The following ZEB1 variants were observed in gnomAD, a reference collection of about 807,000 sequenced individuals.
ZEB1 encodes zinc finger E-box-binding homeobox 1.
In ZEB1, 21 loss-of-function variants were observed where a neutral mutation model predicts 84.9. The observed-to-expected ratio is 0.25, with a 90% CI of 0.18 to 0.36. The LOEUF (loss-of-function observed/expected upper bound fraction) is 0.36, where lower values mean the gene tolerates loss of function less well. Among genes scored for constraint, ZEB1 ranks in the 10% least tolerant of loss-of-function variants. The probability of loss-of-function intolerance (pLI) is 1.00; values close to 1 mark genes in which losing one functional copy is unlikely to be tolerated. For missense variants in ZEB1, 1,104 were observed against 1,330.2 expected (o/e 0.83, Z 2.65); for synonymous variants, 420 against 471.1 (o/e 0.89, Z 1.41).
intron 2 of ZEB1, among the ~76,000 whole-genome samples, chr10:31,477,648 C>T (rs185227127): frequency 1.1e-4 from 16 of 151,914 alleles, no homozygotes; most frequent in African/African-American, 3.9e-4. Context: ...TATCGTGATA[C>T]CATGATAAAG....
chr10:31,397,789 G>A (rs1434222437), intron 1 of ZEB1, among the ~76,000 whole-genome samples: 1 of 152,122 alleles, frequency 6.6e-6, no homozygotes, highest in Admixed American at 6.5e-5. Context: ...GGCCCTCAAA[G>A]TCTATGGTAT....
intron 8 of ZEB1, among the ~76,000 whole-genome samples, chr10:31,525,595 TC>T (rs927424386): frequency 4.6e-5 from 7 of 152,210 alleles, no homozygotes; most frequent in Non-Finnish European, 1.0e-4. Context: ...TACCTGCTCT[TC>T]CCTGCCCCCA....
At chr10:31,363,387 C>G in intron 1 of ZEB1, 2 of 1,534,486 alleles carry the variant, frequency 1.3e-6, no homozygotes, top group East Asian at 2.4e-5. Context: ...CCTTGTCAGT[C>G]TGATTCTTTT....
intron 1 of ZEB1, among the ~76,000 whole-genome samples, chr10:31,449,443 A>G (rs190458474): frequency 2.0e-5 from 3 of 152,024 alleles, no homozygotes; most frequent in East Asian, 1.9e-4. Flanking sequence ...CTCTCTGCCT[A>G]TATTTTCTTC....
intron 1 of ZEB1, among the ~76,000 whole-genome samples, chr10:31,391,654 G>T (rs973830419): frequency 1.3e-5 from 2 of 152,130 alleles, no homozygotes; most frequent in Non-Finnish European, 2.9e-5. Flanking sequence ...AATGAGTTGT[G>T]TCTGCATTTT....
At chr10:31,391,680 AGACT>A (rs2049766637) in intron 1 of ZEB1, among the ~76,000 whole-genome samples, 1 of 152,192 alleles carries the variant, frequency 6.6e-6, no homozygotes, top group African/African-American at 2.4e-5. Context: ...TTTATTCTCA[AGACT>A]GACTTCCTTT....
chr10:31,510,063 G>A (rs1157217645), intron 4 of ZEB1, among the ~76,000 whole-genome samples: 1 of 152,080 alleles, frequency 6.6e-6, no homozygotes, highest in African/African-American at 2.4e-5. Context: ...CCTAGATCTG[G>A]CCCCCATCAG....
At position 31,520,800 on chromosome 10, in the gene ZEB1, C is replaced by T. The variant is rs2072157629; in HGVS notation, c.1468C>T (p.Pro490Ser). Residue 490 changes from proline to serine, a missense_variant, in exon 7 of 9, where the codon CCT becomes TCT. Transcript: ENST00000424869. This position sits in a 1 kb window ranked among gnomAD's most constrained non-coding sequence, Gnocchi z 5.1. ...LEQPSQLQVV[P>S]QNLKKENPVA... ...GCAGCCTAGCCAACTTCAAGTTGTTCCTCAAAATTTAAAAAAAGAAAATCC... is the reference window on the plus strand; with the variant it reads ...GCAGCCTAGCCAACTTCAAGTTGTTTCTCAAAATTTAAAAAAAGAAAATCC... The T allele has an allele frequency of 3.1e-6, 5 of 1,613,852 alleles. No homozygotes were observed. Among genetic ancestry groups the T allele is most frequent in the Middle Eastern group, 3.3e-4 (2 of 6,060 alleles).
intron 1 of ZEB1, among the ~76,000 whole-genome samples, chr10:31,398,073 A>G (rs1446603410): frequency 6.6e-6 from 1 of 152,230 alleles, no homozygotes; most frequent in African/African-American, 2.4e-5. Context: ...ACTTCAAAGA[A>G]CTATGTGAAT....
chr10:31,432,850 G>A lies in ZEB1; in HGVS notation c.59-28187G>A, dbSNP rs552218564. ...TTGAGGAAAAGCTATTTTTAAAAAAGAGTGGCATTGTTTTACATGTTTACA... is the reference window on the plus strand; with the variant it reads ...TTGAGGAAAAGCTATTTTTAAAAAAAAGTGGCATTGTTTTACATGTTTACA... On this transcript the variant is annotated intron_variant, in intron 1 of 8. Transcript: ENST00000424869. Among the ~76,000 whole-genome samples the A allele has an allele frequency of 9.3e-4, 142 of 152,218 alleles. 2 individuals carry two copies. The highest frequency in any genetic ancestry group is 3.3e-3 in the African/African-American group (139 of 41,538).
At position 31,504,071 on chromosome 10, in the gene ZEB1, C is replaced by T. The variant is rs550082518; in HGVS notation, c.484+1562C>T. ...GTCCTGAGTGTTTTCTGTATGTTTTCTTCTAGTTTTATGGTGTTGTGTCTT... is the reference window on the plus strand; with the variant it reads ...GTCCTGAGTGTTTTCTGTATGTTTTTTTCTAGTTTTATGGTGTTGTGTCTT... On this transcript the variant is annotated intron_variant, in intron 4 of 8. Transcript: ENST00000424869. Among the ~76,000 whole-genome samples the T allele has an allele frequency of 6.4e-5, 9 of 141,058 alleles. No homozygotes were observed. The East Asian group carries it at 1.5e-3, about 24-fold the overall frequency. The allele number at this position is 141,058 out of a possible 152,430, so 92.5% of individuals were successfully genotyped here. A position where few individuals can be genotyped will look rare whatever the true frequency, so the allele number is the denominator to read the frequency against.
At chr10:31,417,327 T>C (rs1280562366) in intron 1 of ZEB1, among the ~76,000 whole-genome samples, 2 of 152,088 alleles carry the variant, frequency 1.3e-5, no homozygotes, top group African/African-American at 4.8e-5. Context: ...ATGTACTCCT[T>C]CTCCTCCTTA....
chr10:31,507,347 T>C (rs915829158), intron 4 of ZEB1, among the ~76,000 whole-genome samples: 1 of 152,156 alleles, frequency 6.6e-6, no homozygotes, highest in Non-Finnish European at 1.5e-5. Flanking sequence ...GGGGGTGCGC[T>C]GAGCTTTCTG....
intron 1 of ZEB1, among the ~76,000 whole-genome samples, chr10:31,350,939 G>A (rs2041220632): frequency 6.6e-6 from 1 of 152,208 alleles, no homozygotes; most frequent in African/African-American, 2.4e-5. Flanking sequence ...AGAGTTAGAA[G>A]TAGTGAGTTC....
chr10:31,442,816 T>A (rs1213090137), intron 1 of ZEB1, among the ~76,000 whole-genome samples: 1 of 152,128 alleles, frequency 6.6e-6, no homozygotes, highest in Non-Finnish European at 1.5e-5. Context: ...AAAGATCAAG[T>A]CAAATGAGGA....
Position 31,528,392 on chromosome 10 carries a change from C to G in ZEB1, c.*1128C>G, listed in dbSNP as rs2073819083. On this transcript the variant is annotated 3_prime_UTR_variant, in exon 9 of 9. Transcript: ENST00000424869. ...AGGGAAATTTTCTAATCTGCTTTAT[C>G]CATGTACTTGCATTTCAGACATGGA... 6.6e-6 allele frequency: 1 copy of G among 152,088 alleles called. No homozygotes were observed. The highest frequency in any genetic ancestry group is 2.4e-5 in the African/African-American group (1 of 41,356). 9.4% of individuals were successfully genotyped at this position (152,088 alleles called of 1,614,324 possible).
At chr10:31,350,413 A>T (rs2041117857) in intron 1 of ZEB1, among the ~76,000 whole-genome samples, 1 of 152,122 alleles carries the variant, frequency 6.6e-6, no homozygotes, top group Admixed American at 6.5e-5. Flanking sequence ...AAGTGATTTA[A>T]TCTCTATTAA....
intron 1 of ZEB1, among the ~76,000 whole-genome samples, chr10:31,408,768 G>A (rs1000914951): frequency 2.7e-5 from 4 of 149,012 alleles, no homozygotes; most frequent in East Asian, 1.9e-4. Context: ...AGACTTAAAC[G>A]TTAGACCTAA....
At chr10:31,523,798 G>A in intron 7 of ZEB1, 135 bp from the exon 8 acceptor site, 1 of 980,092 alleles carries the variant, frequency 1.0e-6, no homozygotes, top group South Asian at 1.5e-5. Context: ...GTGAAGATCA[G>A]TGTGCTTGCT....
Sources: gnomAD v4.1 joint callset for allele counts (sites outside exome capture counted in the v4.1 genomes callset) on GRCh38, gnomAD v4.1.1 for gene constraint, Gnocchi (gnomAD v3.1) non-coding constraint, MANE v1.5 for transcripts, NCBI Gene and HGNC (gene_info 2026-07-23, HGNC 2026-07-21) for gene names.